Variants in QTMAN observed in about 807,000 individuals in gnomAD.
QTMAN encodes tRNA-queuosine alpha-mannosyltransferase.
the QTMAN span, among the ~76,000 whole-genome samples, chr2:144,231,905 G>A: frequency 1.5e-5 from 2 of 129,798 alleles, no homozygotes; most frequent in Admixed American, 8.1e-5. Flanking sequence ...ATCTTTACTC[G>A]CTAATGTTAA....
the QTMAN span, among the ~76,000 whole-genome samples, chr2:144,154,486 C>T: frequency 6.6e-6 from 1 of 152,108 alleles, no homozygotes. Context: ...GGAAAAAAAT[C>T]CTGGTTTGGA....
the QTMAN span, among the ~76,000 whole-genome samples, chr2:144,094,956 T>C: frequency 6.6e-6 from 1 of 152,212 alleles, no homozygotes; most frequent in Non-Finnish European, 1.5e-5. Flanking sequence ...CTTATTCACT[T>C]TGTAAACCTA....
At chr2:144,050,966 A>C in the QTMAN span, among the ~76,000 whole-genome samples, 1 of 152,338 alleles carries the variant, frequency 6.6e-6, no homozygotes, top group South Asian at 2.1e-4. Context: ...AGGGTTAACT[A>C]TATCTTTAGG....
the QTMAN span, among the ~76,000 whole-genome samples, chr2:144,099,948 T>G: frequency 6.6e-6 from 1 of 152,202 alleles, no homozygotes; most frequent in Non-Finnish European, 1.5e-5. Flanking sequence ...CTGCTGTTAT[T>G]AGTCACTTTA....
At chr2:144,245,520 A>C in the QTMAN span, among the ~76,000 whole-genome samples, 1 of 152,228 alleles carries the variant, frequency 6.6e-6, no homozygotes, top group African/African-American at 2.4e-5. Flanking sequence ...CAGGCAACGA[A>C]TCTGCTCAGA....
chr2:144,199,171 C>G, the QTMAN span, among the ~76,000 whole-genome samples: 1 of 152,084 alleles, frequency 6.6e-6, no homozygotes, highest in African/African-American at 2.4e-5. Flanking sequence ...TCTCAGCCTC[C>G]TCAGTAGCTG....
the QTMAN span, among the ~76,000 whole-genome samples, chr2:144,308,750 C>T: frequency 1.3e-5 from 2 of 151,152 alleles, no homozygotes; most frequent in African/African-American, 2.4e-5. Flanking sequence ...GACTTCATTT[C>T]AAAAAAACAA....
chr2:144,111,171 C>A, the QTMAN span, among the ~76,000 whole-genome samples: 2 of 151,690 alleles, frequency 1.3e-5, no homozygotes, highest in African/African-American at 4.8e-5. Context: ...ATACCCAAAA[C>A]CACGGCAGGC....
At chr2:144,108,705 T>A in the QTMAN span, among the ~76,000 whole-genome samples, 2 of 147,318 alleles carry the variant, frequency 1.4e-5, no homozygotes, top group African/African-American at 5.3e-5. Flanking sequence ...ATAAGCAACT[T>A]CAGCAAAGTC....
At chr2:144,168,336 G>A in the QTMAN span, among the ~76,000 whole-genome samples, 2 of 152,134 alleles carry the variant, frequency 1.3e-5, no homozygotes, top group East Asian at 3.8e-4. Flanking sequence ...ACCATCTTTG[G>A]CAACTAGAGA....
At chr2:144,067,888 G>A in the QTMAN span, among the ~76,000 whole-genome samples, 5 of 152,168 alleles carry the variant, frequency 3.3e-5, no homozygotes, top group Non-Finnish European at 5.9e-5. Context: ...TTCATGTGGT[G>A]AGTGCCACCC....
At chr2:144,199,753 A>G in the QTMAN span, among the ~76,000 whole-genome samples, 2 of 152,326 alleles carry the variant, frequency 1.3e-5, no homozygotes, top group South Asian at 2.1e-4. Context: ...GAGACATGAC[A>G]AATTCCTTAA....
At chr2:144,151,982 G>A in the QTMAN span, among the ~76,000 whole-genome samples, 1 of 152,084 alleles carries the variant, frequency 6.6e-6, no homozygotes, top group Non-Finnish European at 1.5e-5. Context: ...AATACAAGAT[G>A]GAAGTCTTAT....
chr2:144,020,738 T>A, the QTMAN span, among the ~76,000 whole-genome samples: 1 of 152,108 alleles, frequency 6.6e-6, no homozygotes, highest in Non-Finnish European at 1.5e-5. Context: ...GAACTTTTCC[T>A]GTTTCACTTG....
chr2:144,267,454 G>A, the QTMAN span, among the ~76,000 whole-genome samples: 1 of 152,180 alleles, frequency 6.6e-6, no homozygotes, highest in Non-Finnish European at 1.5e-5. Context: ...CTCTACATTT[G>A]GCTAGATGTG....
the QTMAN span, chr2:143,943,502 A>G: frequency 1.3e-5 from 2 of 152,374 alleles, no homozygotes; most frequent in South Asian, 4.1e-4. Flanking sequence ...CATCCACAGA[A>G]AGTATCTTGA....
the QTMAN span, among the ~76,000 whole-genome samples, chr2:144,061,722 C>A: frequency 6.6e-6 from 1 of 152,138 alleles, no homozygotes; most frequent in Non-Finnish European, 1.5e-5. Flanking sequence ...TGAGAACAGG[C>A]ATTCCTGTTT....
At chr2:144,053,119 T>C in the QTMAN span, among the ~76,000 whole-genome samples, 1 of 152,154 alleles carries the variant, frequency 6.6e-6, no homozygotes, top group Non-Finnish European at 1.5e-5. Flanking sequence ...ATAAAATCAA[T>C]TTAGTGAGTC....
At chr2:144,091,499 C>A in the QTMAN span, among the ~76,000 whole-genome samples, 13 of 152,262 alleles carry the variant, frequency 8.5e-5, no homozygotes, top group East Asian at 2.5e-3. Context: ...ATGTTATACA[C>A]ATCTATCTAA....
Sources: allele counts gnomAD v4.1 joint callset (sites outside exome capture counted in the v4.1 genomes callset), GRCh38; gene constraint gnomAD v4.1.1; transcripts MANE v1.5; gene names NCBI Gene and HGNC (gene_info 2026-07-23, HGNC 2026-07-21).